GRN: variants seen among roughly 807,000 people sequenced by gnomAD.
The protein encoded by GRN is progranulin.
In GRN, 30 loss-of-function variants were observed where a neutral mutation model predicts 66.7. The ratio of observed to expected loss-of-function variants is 0.45; its 90% CI spans 0.34 to 0.61. The LOEUF (loss-of-function observed/expected upper bound fraction) is 0.61. Ranked by LOEUF, GRN falls within the 20% of genes least tolerant of loss-of-function variation. The probability of loss-of-function intolerance (pLI) is 0.01; values close to 1 mark genes in which losing one functional copy is unlikely to be tolerated. For synonymous variants in GRN, 327 were observed against 311.1 expected, an observed-to-expected ratio of 1.05 and a Z score of -0.54; for missense variants, 731 against 803.5, an observed-to-expected ratio of 0.91 and a Z score of 1.09.
chr17:44,346,944 C>T (rs905976832), intron 1 of GRN, among the ~76,000 whole-genome samples: 1 of 151,898 alleles, frequency 6.6e-6, no homozygotes, highest in Admixed American at 6.6e-5. Flanking sequence ...GGTGAAACCC[C>T]CATCTCTACT....
rs775886690 is a variant in GRN, at chr17:44,350,609, C to T, written c.598+32C>T. The T allele has an allele frequency of 5.6e-6, 9 of 1,612,828 alleles. No individual in the cohort carries two copies. In the South Asian group the frequency reaches 8.8e-5, roughly 16 times the overall value. ...AGGTGGGAGAGCATCAGGCCAGGGG[C>T]TGGGGCGGGGCCTCATTGACTCCAA... is the stretch of plus-strand genomic sequence containing the variant. On this transcript the variant is annotated intron_variant, in intron 6 of 12. Transcript: ENST00000053867.
rs2143332691 is a variant in GRN at position 44,350,423 on chromosome 17, C to T, written c.463-19C>T. ...CAGGGGCAGGGGGTGAAGACGGAGT[C>T]AGGACCATTTTTTCTCAGGCTTCCT... is the stretch of plus-strand genomic sequence containing the variant. On this transcript the variant is annotated intron_variant, in intron 5 of 12. Coordinates refer to ENST00000053867, the MANE Select transcript of GRN (RefSeq NM_002087.4). 1 of 1,613,728 alleles carries T rather than the reference C, an allele frequency of 6.2e-7. No homozygotes were observed. The highest frequency in any genetic ancestry group is 1.6e-4 in the Middle Eastern group (1 of 6,062).
chr17:44,350,654 C>T (rs767536746), intron 6 of GRN, 37 bp from the exon 7 acceptor site: 21 of 1,608,572 alleles, frequency 1.3e-5, no homozygotes, highest in Middle Eastern at 1.7e-4. Flanking sequence ...AAAGTTTCCT[C>T]CATCCTGGCT....
Position 44,351,092 on chromosome 17 carries a change from T to C in GRN, c.764T>C (p.Leu255Pro). 1 of 1,614,026 alleles carries C rather than the reference T, an allele frequency of 6.2e-7. No homozygotes were observed. The highest frequency in any genetic ancestry group is 8.5e-7 in the Non-Finnish European group (1 of 1,179,912). ...TGCCCCCAAGACACTGTGTGTGACC[T>C]GATCCAGAGTAAGTGCCTCTCCAAG... ...HCCPQDTVCD[L>P]IQSKCLSKEN... is the part of the protein sequence containing the mutation. The change falls in exon 8 of 13, where the codon CTG becomes CCG. Residue 255 changes from leucine (L) to proline (P), a missense_variant. Transcript: ENST00000053867.
Position 44,352,919 on chromosome 17 carries a change from C to A in GRN, c.*121C>A. 1 of 970,880 alleles carries A rather than the reference C, an allele frequency of 1.0e-6. No individual in the cohort carries two copies. 60.1% of individuals were successfully genotyped at this position (970,880 alleles called of 1,614,324 possible). On this transcript the variant is annotated 3_prime_UTR_variant, in exon 13 of 13. Coordinates refer to ENST00000053867, the MANE Select transcript of GRN (RefSeq NM_002087.4). ...CTGGACCCCATTCTGAGCTCCCCAT[C>A]ACCATGGGAGGTGGGGCCTCAATCT... is the stretch of plus-strand genomic sequence containing the variant.
chr17:44,348,714 C>A (rs1224154632), intron 1 of GRN, among the ~76,000 whole-genome samples: 6 of 152,218 alleles, frequency 3.9e-5, no homozygotes, highest in Non-Finnish European at 7.3e-5. Flanking sequence ...TGGAGGGGAA[C>A]CCTGGCTTTT....
In GRN at chr17:44,352,330, T is replaced by C; in HGVS notation, c.1414-11T>C. On this transcript the variant is annotated splice_polypyrimidine_tract_variant and intron_variant, in intron 11 of 12. Transcript: ENST00000053867. ...GAACATAATGCCATTCTGTGCTCCCTTCCCCGCCAGGCTGTGTGCTGCGAG... is the reference window on the plus strand; with the variant it reads ...GAACATAATGCCATTCTGTGCTCCCCTCCCCGCCAGGCTGTGTGCTGCGAG... The C allele has an allele frequency of 1.2e-6, 2 of 1,610,152 alleles. No individual in the cohort carries two copies. The highest frequency in any genetic ancestry group is 1.7e-4 in the Middle Eastern group (1 of 6,054).
At position 44,352,740 on chromosome 17, in the gene GRN, G is replaced by A; in HGVS notation, c.1724G>A (p.Arg575Lys). 1 of 1,611,768 alleles carries A rather than the reference G, an allele frequency of 6.2e-7. No individual in the cohort carries two copies. Among genetic ancestry groups the A allele is most frequent in the Non-Finnish European group, 8.5e-7 (1 of 1,179,990 alleles). ...GCCAGGGGTACCAAGTGTTTGCGCA[G>A]GGAGGCCCCGCGCTGGGACGCCCCT... The part of the protein sequence containing the change: ...CAARGTKCLR[R>K]EAPRWDAPLR... The change falls in exon 13 of 13, where the codon AGG becomes AAG. Residue 575 changes from arginine to lysine, a missense_variant. By Grantham distance (26) the Arg-to-Lys change is conservative (BLOSUM62 2). This residue lies in a region of GRN where 319 missense variants were observed against 347.2 expected (regional missense o/e 0.92). Transcript: ENST00000053867.
At chr17:44,349,331 T>C (rs1458852521) in intron 2 of GRN, 29 bp downstream of exon 2, 4 of 1,613,982 alleles carry the variant, frequency 2.5e-6, no homozygotes, top group South Asian at 1.1e-5. Flanking sequence ...AGGCAAGAGC[T>C]GGCAGCCTGG....
chr17:44,352,935 G>A lies in GRN; in HGVS notation c.*137G>A, dbSNP rs2048393593. On this transcript the variant is annotated 3_prime_UTR_variant, in exon 13 of 13. Transcript: ENST00000053867. ...GCTCCCCATCACCATGGGAGGTGGG[G>A]CCTCAATCTAAGGCCTTCCCTGTCA... The A allele has an allele frequency of 5.8e-6, 5 of 856,506 alleles. No individual in the cohort carries two copies. Among genetic ancestry groups the A allele is most frequent in the Non-Finnish European group, 9.4e-6 (5 of 531,502 alleles). The allele number at this position is 856,506 out of a possible 1,614,324, so 53.1% of individuals were successfully genotyped here.
Position 44,349,244 on chromosome 17 carries a change from C to T in GRN, c.80C>T (p.Pro27Leu), listed in dbSNP as rs2048348537. The stretch of plus-strand genomic sequence containing the variant: ...CGGTGCCCAGATGGTCAGTTCTGCC[C>T]TGTGGCCTGCTGCCTGGACCCCGGA... Reference protein sequence around the residue: ...GTRCPDGQFCPVACCLDPGGA... With the variant: ...GTRCPDGQFCLVACCLDPGGA... The change falls in exon 2 of 13, where the codon CCT (proline) becomes CTT (leucine). Residue 27 changes from proline (P) to leucine (L), a missense_variant. This residue lies in a region of GRN where 370 missense variants were observed against 379.8 expected (regional missense o/e 0.97). Coordinates refer to ENST00000053867, the MANE Select transcript of GRN (RefSeq NM_002087.4). 1 of 1,614,040 alleles carries T rather than the reference C, an allele frequency of 6.2e-7. No homozygotes were observed.
intron 1 of GRN, 61 bp from the exon 2 acceptor site, chr17:44,349,097 C>T: frequency 6.3e-7 from 1 of 1,586,442 alleles, no homozygotes. Context: ...TACTGAGTGA[C>T]CCTAGAATCA....
intron 1 of GRN, among the ~76,000 whole-genome samples, chr17:44,348,451 T>A (rs937713538): frequency 6.6e-6 from 1 of 152,120 alleles, no homozygotes; most frequent in Non-Finnish European, 1.5e-5. Context: ...AGGGCCCTGG[T>A]GGTGTGGGGG....
Position 44,351,671 on chromosome 17 carries a change from T to TC in GRN, c.1056dup (p.Ser353GlnfsTer15). 6.2e-7 allele frequency: 1 copy of TC among 1,614,046 alleles called. No homozygotes were observed. The highest frequency in any genetic ancestry group is 8.5e-7 in the Non-Finnish European group (1 of 1,179,990). ...TGGATGGAGAAGGCCCCAGCTCACC[T>TC]CAGCCTGCCAGACCCACAAGCCTTG... On this transcript the variant is annotated frameshift_variant, in exon 10 of 13. Coordinates refer to ENST00000053867, the MANE Select transcript of GRN (RefSeq NM_002087.4). LOFTEE classifies it high-confidence loss of function.
rs894043737 is a variant in GRN, at chr17:44,351,044, G to T, written c.716G>T (p.Cys239Phe). 4 of 1,613,670 alleles carry T rather than the reference G, an allele frequency of 2.5e-6. No homozygotes were observed. Among genetic ancestry groups the T allele is most frequent in the Non-Finnish European group, 3.4e-6 (4 of 1,179,970 alleles). ...ACCCCTGTCCCCACTCAGGCCACCT[G>T]CTGCTCCGATCACCTGCACTGCTGC... ...YGCCPMPNAT[C>F]CSDHLHCCPQ... is the part of the protein sequence containing the mutation. The change falls in exon 8 of 13, where the codon TGC (cysteine) becomes TTC (phenylalanine). Residue 239 changes from cysteine (C) to phenylalanine (F), a missense_variant. Cys to Phe is a radical substitution (Grantham distance 205). Coordinates refer to ENST00000053867, the MANE Select transcript of GRN (RefSeq NM_002087.4).
At chr17:44,351,293 C>A in intron 8 of GRN, 70 bp from the exon 9 acceptor site, 1 of 1,522,130 alleles carries the variant, frequency 6.6e-7, no homozygotes, top group Non-Finnish European at 9.1e-7. Context: ...GCTGTGGAGC[C>A]GGCAAAGGGT....
At position 44,350,183 on chromosome 17, in the gene GRN, C is replaced by T. The variant is rs200855061; in HGVS notation, c.350-45C>T. The stretch of plus-strand genomic sequence containing the variant: ...GCTCCTTGTGTGATGGGGGAGTCAC[C>T]TTCCCTGAGTGGGCTGGTAGTATCC... On this transcript the variant is annotated intron_variant, in intron 4 of 12. Coordinates refer to ENST00000053867, the MANE Select transcript of GRN (RefSeq NM_002087.4). The T allele has an allele frequency of 2.3e-6, 3 of 1,286,624 alleles. No homozygotes were observed. In the East Asian group the frequency reaches 7.0e-5, roughly 30 times the overall value. The allele number at this position is 1,286,624 out of a possible 1,614,324, so 79.7% of individuals were successfully genotyped here.
In GRN at chr17:44,351,081, T is replaced by C. The variant is rs142805340; in HGVS notation, c.753T>C (p.Thr251=). 40 of 1,613,816 alleles carry C rather than the reference T, an allele frequency of 2.5e-5. No homozygotes were observed. Among genetic ancestry groups the C allele is most frequent in the Non-Finnish European group, 3.3e-5 (39 of 1,179,906 alleles). Residue 251 remains threonine (T), a synonymous_variant, in exon 8 of 13, where the codon ACT becomes ACC. Transcript: ENST00000053867. ...ACCTGCACTGCTGCCCCCAAGACACTGTGTGTGACCTGATCCAGAGTAAGT... is the reference window on the plus strand; with the variant it reads ...ACCTGCACTGCTGCCCCCAAGACACCGTGTGTGACCTGATCCAGAGTAAGT... ...SDHLHCCPQD[T]VCDLIQSKCL...
chr17:44,345,328 G>C lies in GRN; in HGVS notation c.-14G>C, dbSNP rs1237619973. 1 of 152,344 alleles carries C rather than the reference G, an allele frequency of 6.6e-6. No individual in the cohort carries two copies. The highest frequency in any genetic ancestry group is 1.5e-5 in the Non-Finnish European group (1 of 68,152). 9.4% of individuals were successfully genotyped at this position (152,344 alleles called of 1,614,324 possible). A position where few individuals can be genotyped will look rare whatever the true frequency, so the allele number is the denominator to read the frequency against. ...CTGCTGCCCAAGGACCGCGGAGTCG[G>C]ACGCAGGTAGGAGAGCGGCCGCGCA... On this transcript the variant is annotated 5_prime_UTR_variant, in exon 1 of 13. Coordinates refer to ENST00000053867, the MANE Select transcript of GRN (RefSeq NM_002087.4).
Sources: allele counts gnomAD v4.1 joint callset (sites outside exome capture counted in the v4.1 genomes callset), GRCh38; gene constraint gnomAD v4.1.1; regional missense constraint gnomAD v4.1.1; transcripts MANE v1.5; gene names NCBI Gene and HGNC (gene_info 2026-07-23, HGNC 2026-07-21).